RNF150: variants seen among roughly 807,000 people sequenced by gnomAD.
RNF150 encodes ring finger protein 150.
In RNF150, 24 loss-of-function variants were observed where a neutral mutation model predicts 39.3. The ratio of observed to expected loss-of-function variants is 0.61; its 90% CI spans 0.44 to 0.86. The LOEUF (loss-of-function observed/expected upper bound fraction) is 0.86, where lower values mean the gene tolerates loss of function less well. Ranked by LOEUF, RNF150 falls within the 40% of genes least tolerant of loss-of-function variation. The pLI is 0.00. For synonymous variants in RNF150, 255 were observed against 227.3 expected (o/e 1.12, Z -1.10); for missense variants, 502 against 587.8 (o/e 0.85, Z 1.51).
chr4:141,183,187 G>T (rs2111190914), intron 1 of RNF150, among the ~76,000 whole-genome samples: 1 of 152,256 alleles, frequency 6.6e-6, no homozygotes, highest in Admixed American at 6.5e-5. Context: ...GTCAGAGTTT[G>T]TGTACTTATC....
chr4:141,166,591 A>AG (rs1269964570), intron 1 of RNF150, among the ~76,000 whole-genome samples: 1 of 152,162 alleles, frequency 6.6e-6, no homozygotes, highest in Admixed American at 6.5e-5. Context: ...AAGCTTATCC[A>AG]CTCATGATCA....
intron 1 of RNF150, among the ~76,000 whole-genome samples, chr4:141,142,532 C>T (rs7661472): frequency 6.6e-6 from 1 of 152,006 alleles, no homozygotes; most frequent in Non-Finnish European, 1.5e-5. Flanking sequence ...CATTGGCTAT[C>T]GTAGTTGTCA....
chr4:140,946,590 G>A (rs1732321029), intron 4 of RNF150, among the ~76,000 whole-genome samples: 1 of 152,072 alleles, frequency 6.6e-6, no homozygotes, highest in Non-Finnish European at 1.5e-5. Context: ...GGGCTCAAGG[G>A]ATCCTCCCAG....
intron 4 of RNF150, among the ~76,000 whole-genome samples, chr4:140,943,049 G>A (rs1732150059): frequency 6.6e-6 from 1 of 152,176 alleles, no homozygotes; most frequent in Admixed American, 6.5e-5. Flanking sequence ...AAGGGGGCCA[G>A]GACACCTCCC....
chr4:140,920,953 T>G (rs1426159078), intron 5 of RNF150, among the ~76,000 whole-genome samples: 1 of 151,670 alleles, frequency 6.6e-6, no homozygotes, highest in East Asian at 2.0e-4. Context: ...AACCAAACAC[T>G]GCATATTCTC....
In RNF150 at chr4:140,911,169, C is replaced by G. The variant is rs1407358319; in HGVS notation, c.1173G>C (p.Glu391Asp). The G allele has an allele frequency of 6.2e-7, 1 of 1,614,106 alleles. No homozygotes were observed. Among genetic ancestry groups the G allele is most frequent in the Non-Finnish European group, 8.5e-7 (1 of 1,179,974 alleles). The change falls in exon 6 of 7, where the codon GAG becomes GAC. Residue 391 changes from glutamate (E) to aspartate (D), a missense_variant. Glu to Asp is a conservative substitution (Grantham distance 45). Coordinates refer to ENST00000515673, the MANE Select transcript of RNF150 (RefSeq NM_020724.2). ...VVQDTDPIPQ[E>D]GDVIFTTNSE... ...TGTTAGTAGTAAAGATGACGTCTCC[C>G]TCCTGGGGGATGGGGTCTGTATCCT...
At chr4:141,078,876 CATATATACACATACAT>C (rs1161202001) in intron 1 of RNF150, among the ~76,000 whole-genome samples, 272 of 145,254 alleles carry the variant, frequency 1.9e-3, no homozygotes, top group African/African-American at 6.3e-3. Flanking sequence ...TATATACACA[CATATATACACATACAT>C]ATATATACAC....
chr4:141,185,992 C>A (rs991415107), intron 1 of RNF150, among the ~76,000 whole-genome samples: 1 of 152,126 alleles, frequency 6.6e-6, no homozygotes, highest in African/African-American at 2.4e-5. Flanking sequence ...CTGAAATTTC[C>A]TTTTTCTGTT....
intron 6 of RNF150, among the ~76,000 whole-genome samples, chr4:140,870,124 A>T (rs937734433): frequency 1.3e-5 from 2 of 152,230 alleles, no homozygotes; most frequent in African/African-American, 4.8e-5. Context: ...TAAGAGAACA[A>T]ACAAAGAATT....
At chr4:140,877,177 C>T (rs1333760481) in intron 6 of RNF150, among the ~76,000 whole-genome samples, 1 of 152,190 alleles carries the variant, frequency 6.6e-6, no homozygotes, top group Non-Finnish European at 1.5e-5. Flanking sequence ...AAATTCCTTA[C>T]TGATTTCCTT....
At chr4:140,995,745 C>T (rs956277508) in intron 1 of RNF150, among the ~76,000 whole-genome samples, 1 of 152,102 alleles carries the variant, frequency 6.6e-6, no homozygotes, top group Non-Finnish European at 1.5e-5. Flanking sequence ...TTTGGTGCCC[C>T]ACTTATTTCA....
Position 141,132,569 on chromosome 4 carries a change from G to C in RNF150, c.240C>G (p.His80Gln), listed in dbSNP as rs1726924927. ...CCCCGCGGGCGTCCTGCTTGGGCGA[G>C]TGCTCTCCGTAGCGCCCGCACTCCG... ...EKTECGRYGE[H>Q]SPKQDARGEV... is the part of the protein sequence containing the mutation. The change falls in exon 1 of 7, where the codon CAC (histidine) becomes CAG (glutamine). Residue 80 changes from histidine (H) to glutamine (Q), a missense_variant. Coordinates refer to ENST00000515673, the MANE Select transcript of RNF150 (RefSeq NM_020724.2). This position sits in a 1 kb window ranked among gnomAD's most constrained non-coding sequence, Gnocchi z 4.9. 3.2e-6 allele frequency: 5 copies of C among 1,585,500 alleles called. No homozygotes were observed. In the South Asian group the frequency reaches 3.5e-5, roughly 11 times the overall value.
At chr4:140,877,820 T>A (rs991649973) in intron 6 of RNF150, among the ~76,000 whole-genome samples, 1 of 152,190 alleles carries the variant, frequency 6.6e-6, no homozygotes, top group Non-Finnish European at 1.5e-5. Flanking sequence ...TGAAGTAGGT[T>A]ACATGTAGGC....
At chr4:141,082,297 G>A (rs1249758428) in intron 1 of RNF150, among the ~76,000 whole-genome samples, 2 of 152,164 alleles carry the variant, frequency 1.3e-5, no homozygotes, top group African/African-American at 2.4e-5. Flanking sequence ...CCTGCGTCAC[G>A]GCTATAAACG....
intron 1 of RNF150, among the ~76,000 whole-genome samples, chr4:141,027,276 G>A (rs184160560): frequency 2.0e-5 from 3 of 152,288 alleles, no homozygotes; most frequent in East Asian, 1.9e-4. Flanking sequence ...CATAAGTCAC[G>A]ATACATGACA....
chr4:140,893,860 C>T (rs1464356910), intron 6 of RNF150, among the ~76,000 whole-genome samples: 1 of 152,134 alleles, frequency 6.6e-6, no homozygotes, highest in African/African-American at 2.4e-5. Context: ...GAAAAACTAG[C>T]AATTTTCTAG....
At chr4:140,949,562 A>G (rs111969489) in intron 2 of RNF150, among the ~76,000 whole-genome samples, 190 bp from the exon 3 acceptor site, 148 of 152,284 alleles carry the variant, frequency 9.7e-4, no homozygotes, top group African/African-American at 3.4e-3. Context: ...GAGGTCTATA[A>G]AAGACTTCTG....
intron 1 of RNF150, among the ~76,000 whole-genome samples, chr4:141,056,682 C>G (rs1474446866): frequency 2.0e-5 from 3 of 151,968 alleles, no homozygotes; most frequent in Admixed American, 6.6e-5. Context: ...ATCCTCAGCT[C>G]TTTCCTCAGT....
intron 6 of RNF150, among the ~76,000 whole-genome samples, chr4:140,874,361 C>T (rs1023040826): frequency 5.9e-5 from 9 of 152,166 alleles, no homozygotes; most frequent in Admixed American, 2.0e-4. Flanking sequence ...TTATCAATTT[C>T]CTGGCTCAAG....
Sources: allele counts gnomAD v4.1 joint callset (sites outside exome capture counted in the v4.1 genomes callset), GRCh38; gene constraint gnomAD v4.1.1; non-coding constraint Gnocchi (gnomAD v3.1); transcripts MANE v1.5; gene names NCBI Gene and HGNC (gene_info 2026-07-23, HGNC 2026-07-21).